Variants in HORMAD2 observed in about 807,000 individuals in gnomAD.
HORMAD2 encodes HORMA domain-containing protein 2.
In HORMAD2, 45 loss-of-function variants were observed where a neutral mutation model predicts 38.8. The ratio of observed to expected loss-of-function variants is 1.16; its 90% CI spans 0.91 to 1.49. HORMAD2 has a LOEUF of 1.49. HORMAD2 is among the 40% of genes most tolerant of loss of function. The pLI is 0.00. For synonymous variants in HORMAD2, 126 were observed against 122.8 expected (o/e 1.03, Z -0.17); for missense variants, 338 against 367.0 (o/e 0.92, Z 0.65).
intron 5 of HORMAD2, among the ~76,000 whole-genome samples, chr22:30,110,218 T>G (rs1305287075): frequency 6.6e-6 from 1 of 151,982 alleles, no homozygotes; most frequent in Non-Finnish European, 1.5e-5. Context: ...AAATATCACA[T>G]GTACCCCCAA....
At chr22:30,129,217 CAAAAAAAAAAAAAAAAAAAAAAA>C (rs750796623) in intron 10 of HORMAD2, among the ~76,000 whole-genome samples, 18 of 22,616 alleles carry the variant, frequency 8.0e-4, no homozygotes, top group East Asian at 2.0e-3. Context: ...GACTCTATCT[CAAAAAAAAAAAAAAAAAAAAAAA>C]AAAAAAAAAA....
downstream of HORMAD2, among the ~76,000 whole-genome samples, chr22:30,179,291 T>C (rs932871864): frequency 2.6e-4 from 40 of 152,158 alleles, no homozygotes; most frequent in African/African-American, 8.9e-4. Flanking sequence ...TCTGCTACAA[T>C]GTAGGATTCT....
At chr22:30,163,056 T>C (rs1454073670) in intron 10 of HORMAD2, among the ~76,000 whole-genome samples, 1 of 152,192 alleles carries the variant, frequency 6.6e-6, no homozygotes, top group African/African-American at 2.4e-5. Context: ...TTTTTAAACT[T>C]ACTTTTTTCA....
the HORMAD2 span, among the ~76,000 whole-genome samples, chr22:30,190,035 G>T: frequency 6.6e-6 from 1 of 152,120 alleles, no homozygotes; most frequent in Non-Finnish European, 1.5e-5. Flanking sequence ...GCTGGCAATG[G>T]TATACTATTC....
chr22:30,125,093 G>C (rs949557445), intron 10 of HORMAD2, among the ~76,000 whole-genome samples: 3 of 151,422 alleles, frequency 2.0e-5, no homozygotes, highest in African/African-American at 7.3e-5. Flanking sequence ...TTGTCTCTCA[G>C]GTTATTTATC....
At chr22:30,188,297 C>G in the HORMAD2 span, among the ~76,000 whole-genome samples, 1 of 152,110 alleles carries the variant, frequency 6.6e-6, no homozygotes, top group Non-Finnish European at 1.5e-5. Context: ...AAGACTCTCT[C>G]TTTTTCCTCC....
At chr22:30,123,329 T>G (rs1467952130) in intron 10 of HORMAD2, among the ~76,000 whole-genome samples, 2 of 152,234 alleles carry the variant, frequency 1.3e-5, no homozygotes, top group Non-Finnish European at 2.9e-5. Context: ...GCTAGTTTTT[T>G]TTGTTGTTGT....
At position 30,080,468 on chromosome 22, in the gene HORMAD2, G is replaced by A. The variant is rs1000985169; in HGVS notation, c.-61G>A. ...CGGAAAAGGCCGTTGACCCCCGGTGGGAGGGAAGCGTCGACGAGCTGAGGT... is the reference window on the plus strand; with the variant it reads ...CGGAAAAGGCCGTTGACCCCCGGTGAGAGGGAAGCGTCGACGAGCTGAGGT... On this transcript the variant is annotated 5_prime_UTR_variant, in exon 1 of 11. Coordinates refer to ENST00000336726, the MANE Select transcript of HORMAD2 (RefSeq NM_152510.4). 3.3e-5 allele frequency: 5 copies of A among 152,402 alleles called. No individual in the cohort carries two copies. Among genetic ancestry groups the A allele is most frequent in the African/African-American group, 1.2e-4 (5 of 41,478 alleles). The allele number at this position is 152,402 out of a possible 1,614,324, so 9.4% of individuals were successfully genotyped here. A position where few individuals can be genotyped will look rare whatever the true frequency, so the allele number is the denominator to read the frequency against.
chr22:30,157,971 T>C (rs1026912323), intron 10 of HORMAD2, among the ~76,000 whole-genome samples: 1 of 152,164 alleles, frequency 6.6e-6, no homozygotes, highest in African/African-American at 2.4e-5. Context: ...ATCAAACATT[T>C]TCAAATATAT....
chr22:30,173,286 A>G (rs1408403102), intron 10 of HORMAD2, among the ~76,000 whole-genome samples: 1 of 152,218 alleles, frequency 6.6e-6, no homozygotes, highest in Non-Finnish European at 1.5e-5. Context: ...AGATCTGCAT[A>G]TGAGACTACT....
At chr22:30,177,681 T>C (rs1406707398), downstream of HORMAD2, among the ~76,000 whole-genome samples, 2 of 149,166 alleles carry the variant, frequency 1.3e-5, no homozygotes, top group Non-Finnish European at 1.5e-5. Flanking sequence ...AGCAAATCAG[T>C]AAAGGCTATA....
chr22:30,177,975 C>A (rs1308745452), downstream of HORMAD2, among the ~76,000 whole-genome samples: 1 of 151,898 alleles, frequency 6.6e-6, no homozygotes, highest in Non-Finnish European at 1.5e-5. Flanking sequence ...CCACCACACC[C>A]AGCCCAGGAG....
intron 5 of HORMAD2, chr22:30,105,102 T>G (rs1921087138): frequency 1.8e-5 from 3 of 165,056 alleles, no homozygotes. Context: ...GCTCAGTCCT[T>G]GGCAGCGGCT....
At chr22:30,206,378 T>G in the HORMAD2 span, among the ~76,000 whole-genome samples, 2 of 152,204 alleles carry the variant, frequency 1.3e-5, no homozygotes, top group Non-Finnish European at 2.9e-5. Context: ...CAGGCTGGTC[T>G]CCAACTCCTG....
At chr22:30,129,000 G>T (rs1225552256) in intron 10 of HORMAD2, among the ~76,000 whole-genome samples, 1 of 151,950 alleles carries the variant, frequency 6.6e-6, no homozygotes, top group Admixed American at 6.6e-5. Flanking sequence ...GGATCACAAG[G>T]TCAGGAGATC....
rs3067131 is a variant in HORMAD2 at position 30,139,254 on chromosome 22, CTATATATA to C, written c.819+17066_819+17073del. On this transcript the variant is annotated intron_variant, in intron 10 of 10. Coordinates refer to ENST00000336726, the MANE Select transcript of HORMAD2 (RefSeq NM_152510.4). ...TGTTTATATATATATATGAACTGTACTATATATATATATATATATATATATATATATAT... is the reference window on the plus strand; with the variant it reads ...TGTTTATATATATATATGAACTGTACTATATATATATATATATATATATAT... Among the ~76,000 whole-genome samples, 122 of 96,736 alleles carry C rather than the reference CTATATATA, an allele frequency of 1.3e-3. 3 individuals carry two copies. Among genetic ancestry groups the C allele is most frequent in the South Asian group, 3.4e-3 (10 of 2,964 alleles). 63.5% of individuals were successfully genotyped at this position (96,736 alleles called of 152,430 possible). A position where few individuals can be genotyped will look rare whatever the true frequency, so the allele number is the denominator to read the frequency against.
intron 1 of HORMAD2, 71 bp from the exon 2 acceptor site, chr22:30,093,844 AT>A: frequency 3.0e-6 from 2 of 675,958 alleles, no homozygotes; most frequent in Admixed American, 3.6e-5. Context: ...TTTCAGTTTC[AT>A]TTTTGGGCAG....
the HORMAD2 span, among the ~76,000 whole-genome samples, chr22:30,189,465 G>A: frequency 6.6e-6 from 1 of 151,994 alleles, no homozygotes; most frequent in Non-Finnish European, 1.5e-5. Flanking sequence ...ACTTACAAAG[G>A]GTTTCTGATG....
At position 30,140,730 on chromosome 22, in the gene HORMAD2, G is replaced by C. The variant is rs939396841; in HGVS notation, c.819+18516G>C. Among the ~76,000 whole-genome samples the C allele has an allele frequency of 4.6e-5, 7 of 152,114 alleles. 1 individual carries two copies. On this transcript the variant is annotated intron_variant, in intron 10 of 10. Transcript: ENST00000336726. ...TTTTGTTGATCTTTCAAAGAATCAGGCTTTGGATTCACTGATTGTCACTAT... is the reference window on the plus strand; with the variant it reads ...TTTTGTTGATCTTTCAAAGAATCAGCCTTTGGATTCACTGATTGTCACTAT...
Sources: gnomAD v4.1 joint callset for allele counts (sites outside exome capture counted in the v4.1 genomes callset) on GRCh38, gnomAD v4.1.1 for gene constraint, MANE v1.5 for transcripts, NCBI Gene and HGNC (gene_info 2026-07-23, HGNC 2026-07-21) for gene names.